UGT8: variants seen among roughly 807,000 people sequenced by gnomAD.
UGT8 encodes the protein UDP glycosyltransferase 8.
In UGT8, 12 loss-of-function variants were observed where a neutral mutation model predicts 40.5. That is an observed-to-expected ratio of 0.30 (90% CI 0.19 to 0.48). UGT8 has a LOEUF of 0.48. UGT8 is among the 20% of genes least tolerant of loss of function. UGT8 has a pLI of 0.99. For missense variants in UGT8, 513 were observed against 648.7 expected (o/e 0.79, Z 2.27); for synonymous variants, 224 against 240.4 (o/e 0.93, Z 0.63).
At chr4:114,619,024 T>C (rs1231048863) in intron 1 of UGT8, among the ~76,000 whole-genome samples, 1 of 152,146 alleles carries the variant, frequency 6.6e-6, no homozygotes, top group African/African-American at 2.4e-5. Context: ...AAAATATGTT[T>C]TAAGATTTAT....
chr4:114,676,600 T>C lies in UGT8; in HGVS notation c.*312T>C, dbSNP rs967551813. On this transcript the variant is annotated 3_prime_UTR_variant, in exon 6 of 6. Coordinates refer to ENST00000310836, the MANE Select transcript of UGT8 (RefSeq NM_001128174.3). The stretch of plus-strand genomic sequence containing the variant: ...AATCTTGATATGTGCGTGTCCCGGA[T>C]CAGGAATGGTTTCATTTTTCTTAAT... 37 of 246,922 alleles carry C rather than the reference T, an allele frequency of 1.5e-4. No homozygotes were observed. Among genetic ancestry groups the C allele is most frequent in the Middle Eastern group, 1.4e-3 (1 of 734 alleles). The allele number at this position is 246,922 out of a possible 1,614,324, so 15.3% of individuals were successfully genotyped here.
chr4:114,659,420 G>A lies in UGT8; in HGVS notation c.823-4575G>A, dbSNP rs528366340. 3.9e-5 allele frequency among the ~76,000 whole-genome samples: 6 copies of A among 152,282 alleles called. No homozygotes were observed. The East Asian group carries it at 1.2e-3, about 29-fold the overall frequency. Reference sequence around the variant, plus strand: ...ATTATTCATTCTGATATAGTGAGGGGAGTGCCTATGAGTGTTGCTGATTTC... The same window carrying A: ...ATTATTCATTCTGATATAGTGAGGGAAGTGCCTATGAGTGTTGCTGATTTC... On this transcript the variant is annotated intron_variant, in intron 2 of 5. Transcript: ENST00000310836.
intron 2 of UGT8, among the ~76,000 whole-genome samples, chr4:114,663,278 C>T (rs1050169639): frequency 2.0e-5 from 3 of 151,936 alleles, no homozygotes; most frequent in African/African-American, 4.8e-5. Context: ...TGTGGCAGCT[C>T]ACTCTACACA....
At chr4:114,663,818 T>C (rs1347851718) in intron 2 of UGT8, 177 bp from the exon 3 acceptor site, 1 of 985,120 alleles carries the variant, frequency 1.0e-6, no homozygotes, top group African/African-American at 1.7e-5. Context: ...TCAGTTAGCA[T>C]TATCAGATGA....
At chr4:114,616,222 C>A (rs1360352762) in intron 1 of UGT8, among the ~76,000 whole-genome samples, 1 of 152,156 alleles carries the variant, frequency 6.6e-6, no homozygotes, top group Non-Finnish European at 1.5e-5. Flanking sequence ...GGCAGGCAGG[C>A]CTCCTTGAGC....
intron 1 of UGT8, among the ~76,000 whole-genome samples, chr4:114,609,068 G>C (rs557443036): frequency 6.6e-6 from 1 of 152,064 alleles, no homozygotes; most frequent in African/African-American, 2.4e-5. Context: ...AGAGCAATAG[G>C]AATAGGAATA....
At chr4:114,648,436 G>A (rs1417282365) in intron 2 of UGT8, among the ~76,000 whole-genome samples, 2 of 146,428 alleles carry the variant, frequency 1.4e-5, no homozygotes, top group African/African-American at 5.1e-5. Flanking sequence ...TATTTAGGCT[G>A]TATTGTAATA....
At chr4:114,648,729 A>C (rs952563402) in intron 2 of UGT8, among the ~76,000 whole-genome samples, 5 of 152,196 alleles carry the variant, frequency 3.3e-5, no homozygotes, top group African/African-American at 7.2e-5. Context: ...TATGTATATC[A>C]TTGTTTGTCC....
intron 5 of UGT8, 57 bp from the exon 6 acceptor site, chr4:114,675,867 AT>A: frequency 6.6e-7 from 1 of 1,526,284 alleles, no homozygotes; most frequent in Non-Finnish European, 8.8e-7. Context: ...GAAGATATGC[AT>A]AAATATAGAA....
At chr4:114,665,094 A>G (rs1734771704) in intron 3 of UGT8, among the ~76,000 whole-genome samples, 1 of 152,204 alleles carries the variant, frequency 6.6e-6, no homozygotes, top group Non-Finnish European at 1.5e-5. Flanking sequence ...TATTCCATTC[A>G]GACTCTTTTG....
intron 2 of UGT8, among the ~76,000 whole-genome samples, chr4:114,650,649 T>A (rs1325190628): frequency 6.6e-6 from 1 of 152,216 alleles, no homozygotes; most frequent in Non-Finnish European, 1.5e-5. Flanking sequence ...TTCCTGGGGA[T>A]GTTTCTGACT....
chr4:114,618,495 T>C (rs1184891883), intron 1 of UGT8, among the ~76,000 whole-genome samples: 1 of 152,202 alleles, frequency 6.6e-6, no homozygotes, highest in African/African-American at 2.4e-5. Context: ...TCAGAACTCA[T>C]GTGTATTTAT....
chr4:114,616,320 T>C (rs1380001329), intron 1 of UGT8, among the ~76,000 whole-genome samples: 1 of 152,004 alleles, frequency 6.6e-6, no homozygotes, highest in Non-Finnish European at 1.5e-5. Context: ...TCCCCTAGCC[T>C]CATGGCCGCC....
At chr4:114,670,151 A>G (rs1487485699) in intron 5 of UGT8, among the ~76,000 whole-genome samples, 2 of 152,184 alleles carry the variant, frequency 1.3e-5, no homozygotes, top group African/African-American at 2.4e-5. Context: ...ATGAACATCA[A>G]TGTGAAAATC....
intron 1 of UGT8, among the ~76,000 whole-genome samples, chr4:114,620,886 A>G (rs903712064): frequency 1.3e-5 from 2 of 152,174 alleles, no homozygotes; most frequent in African/African-American, 4.8e-5. Context: ...GGGTTAATGT[A>G]TTCTAAGGAG....
chr4:114,651,249 G>A (rs977962704), intron 2 of UGT8, among the ~76,000 whole-genome samples: 1 of 151,900 alleles, frequency 6.6e-6, no homozygotes, highest in Non-Finnish European at 1.5e-5. Context: ...TTCCTGTGAA[G>A]TTACATAGTA....
chr4:114,655,374 G>C (rs1002624245), intron 2 of UGT8, among the ~76,000 whole-genome samples: 6 of 151,918 alleles, frequency 3.9e-5, no homozygotes, highest in African/African-American at 1.4e-4. Context: ...ACAAAAAGAA[G>C]TCCACATAAG....
intron 2 of UGT8, among the ~76,000 whole-genome samples, chr4:114,645,241 A>T (rs1733496232): frequency 6.6e-6 from 1 of 152,194 alleles, no homozygotes; most frequent in African/African-American, 2.4e-5. Flanking sequence ...TCTCTTTAAA[A>T]CAATCCCAGT....
intron 5 of UGT8, among the ~76,000 whole-genome samples, chr4:114,671,959 A>G (rs1234183375): frequency 6.6e-6 from 1 of 152,220 alleles, no homozygotes; most frequent in Non-Finnish European, 1.5e-5. Flanking sequence ...TTTACAGGGA[A>G]CTTAAACATA....
Sources: allele counts gnomAD v4.1 joint callset (sites outside exome capture counted in the v4.1 genomes callset), GRCh38; gene constraint gnomAD v4.1.1; transcripts MANE v1.5; gene names NCBI Gene and HGNC (gene_info 2026-07-23, HGNC 2026-07-21).